KCNAB2: variants seen among roughly 807,000 people sequenced by gnomAD.
KCNAB2 encodes potassium voltage-gated channel subfamily A regulatory beta subunit 2.
KCNAB2 carries 29 observed loss-of-function variants against 63.6 expected under a neutral mutation model. The observed-to-expected ratio is 0.46, with a 90% CI of 0.34 to 0.62. The LOEUF is 0.62. Among genes scored for constraint, KCNAB2 ranks in the 20% least tolerant of loss-of-function variants. KCNAB2 has a pLI of 0.01. For synonymous variants in KCNAB2, 222 were observed against 224.2 expected, an observed-to-expected ratio of 0.99 and a Z score of 0.09; for missense variants, 359 against 563.9, an observed-to-expected ratio of 0.64 and a Z score of 3.68.
rs1172965274 is a variant in KCNAB2, at chr1:6,074,207, T to C, written c.300+437T>C. Among the ~76,000 whole-genome samples the C allele has an allele frequency of 6.6e-6, 1 of 152,212 alleles. No individual in the cohort carries two copies. ...ATGCAGCCCCTGCAGTGTCACAAGC[T>C]GAAGAACCTGAGATCTGCATTTCAC... On this transcript the variant is annotated intron_variant, in intron 4 of 15. Transcript: ENST00000378083. This position sits in a 1 kb window ranked among gnomAD's most constrained non-coding sequence, Gnocchi z 4.9.
chr1:6,008,203 C>T lies in KCNAB2; in HGVS notation c.-53+15415C>T, dbSNP rs780590189. 6.6e-5 allele frequency among the ~76,000 whole-genome samples: 10 copies of T among 152,186 alleles called. 1 individual carries two copies. The highest frequency in any genetic ancestry group is 4.1e-4 in the South Asian group (2 of 4,834). On this transcript the variant is annotated intron_variant, in intron 1 of 16. Coordinates refer to the KCNAB2 transcript ENST00000341524. ...GCAGATGGTGAGCCAAGTCCGGTTC[C>T]GCTGCGCTGGGTCCCCCATGGCAGA...
At chr1:6,057,383 G>T (rs1432082379) in intron 2 of KCNAB2, among the ~76,000 whole-genome samples, 1 of 152,132 alleles carries the variant, frequency 6.6e-6, no homozygotes, top group East Asian at 1.9e-4. Context: ...ATCACTTCCA[G>T]CTGGGAAGAG....
In KCNAB2 at chr1:6,094,404, C is replaced by A. The variant is rs375073715; in HGVS notation, c.651C>A (p.Thr217=). 31 of 1,609,290 alleles carry A rather than the reference C, an allele frequency of 1.9e-5. No homozygotes were observed. The highest frequency in any genetic ancestry group is 2.5e-5 in the Non-Finnish European group (29 of 1,178,444). Residue 217 remains threonine (T), a synonymous_variant, in exon 11 of 16, where the codon ACC becomes ACA. Coordinates refer to ENST00000378083, the MANE Select transcript of KCNAB2 (RefSeq NM_001199862.2). ...TTTCCCTTTCTCTCACGACAGAGAC[C>A]GTCCGCGCCATGACCCACGTCATCA... The part of the protein sequence containing the change: ...SKSRTFIIEE[T]VRAMTHVINQ...
rs1659018379 is a variant in KCNAB2, at chr1:6,024,373, C to T, written c.-52-16144C>T. Among the ~76,000 whole-genome samples, 2 of 152,286 alleles carry T rather than the reference C, an allele frequency of 1.3e-5. No individual in the cohort carries two copies. Among genetic ancestry groups the T allele is most frequent in the East Asian group, 1.9e-4 (1 of 5,184 alleles). ...GTGCTGGGTTACAGGTGTGAGCCAC[C>T]GCACCCAGCCAGTAGTGTCTTTTAA... On this transcript the variant is annotated intron_variant, in intron 1 of 16. Coordinates refer to the KCNAB2 transcript ENST00000341524. This position sits in a 1 kb window ranked among gnomAD's most constrained non-coding sequence, Gnocchi z 5.4.
chr1:6,098,979 CCT>C lies in KCNAB2; in HGVS notation c.*408_*409del, dbSNP rs902555874. On this transcript the variant is annotated 3_prime_UTR_variant, in exon 16 of 16. Transcript: ENST00000378083. ...CTTGGGGCGGGCAGGGCCAGCCTCT[CCT>C]CTGCTGAGAATCCCCACTTGGTGTA... 1.9e-4 allele frequency: 32 copies of C among 168,040 alleles called. No homozygotes were observed. The highest frequency in any genetic ancestry group is 6.4e-5 in the Non-Finnish European group (5 of 78,434). The allele number at this position is 168,040 out of a possible 1,614,324, so 10.4% of individuals were successfully genotyped here.
intron 1 of KCNAB2, among the ~76,000 whole-genome samples, chr1:6,012,800 G>A (rs1404141272): frequency 2.0e-5 from 3 of 151,914 alleles, no homozygotes; most frequent in Non-Finnish European, 4.4e-5. Flanking sequence ...AGAGATCATG[G>A]TAGAGGTGGA....
At position 6,094,496 on chromosome 1, in the gene KCNAB2, C is replaced by T. The variant is rs781164458; in HGVS notation, c.732+11C>T. On this transcript the variant is annotated intron_variant, in intron 11 of 15. Transcript: ENST00000378083. ...TCCATGGAGATCATGGTACGGTGGC[C>T]GCGCAGCATGTGTGTGTCCAGGCAC... The T allele has an allele frequency of 6.9e-6, 11 of 1,601,534 alleles. No homozygotes were observed. Among genetic ancestry groups the T allele is most frequent in the Middle Eastern group, 1.7e-4 (1 of 5,970 alleles).
chr1:6,061,911 T>C (rs1215269848), intron 2 of KCNAB2, among the ~76,000 whole-genome samples: 1 of 151,906 alleles, frequency 6.6e-6, no homozygotes, highest in Non-Finnish European at 1.5e-5. Flanking sequence ...AAGTCGGTGG[T>C]AAAAATAAAA....
intron 1 of KCNAB2, chr1:6,025,989 C>A (rs1005712377): frequency 1.3e-5 from 2 of 152,994 alleles, no homozygotes; most frequent in Admixed American, 6.6e-5. Context: ...ACACTGCTGG[C>A]AGCAGTGAGG....
chr1:6,098,363 G>A, intron 15 of KCNAB2, 122 bp from the exon 16 acceptor site: 1 of 1,499,100 alleles, frequency 6.7e-7, no homozygotes, highest in East Asian at 2.4e-5. Flanking sequence ...ATGGAGCCCA[G>A]ATGTGATGGG....
chr1:6,082,347 C>A (rs1289341070), intron 5 of KCNAB2, 73 bp downstream of exon 5: 8 of 1,182,794 alleles, frequency 6.8e-6, no homozygotes, highest in African/African-American at 1.5e-5. Flanking sequence ...GGATTCCTGC[C>A]GCTCGCGTTC....
At chr1:6,007,408 T>G (rs1657868372) in intron 1 of KCNAB2, 1 of 152,342 alleles carries the variant, frequency 6.6e-6, no homozygotes, top group Admixed American at 6.5e-5. Flanking sequence ...TCCTGGGATT[T>G]AAGAAGTTAA....
At position 6,003,552 on chromosome 1, in the gene KCNAB2, G is replaced by T. The variant is rs1296753379; in HGVS notation, c.-53+10764G>T. Among the ~76,000 whole-genome samples, 1 of 152,190 alleles carries T rather than the reference G, an allele frequency of 6.6e-6. No individual in the cohort carries two copies. Among genetic ancestry groups the T allele is most frequent in the Non-Finnish European group, 1.5e-5 (1 of 68,036 alleles). On this transcript the variant is annotated intron_variant, in intron 1 of 16. Coordinates refer to the KCNAB2 transcript ENST00000341524. The surrounding 1 kb of genome is among the most constrained non-coding windows in gnomAD (Gnocchi z 4.1). ...TTCACTTAAACATTATTTCCTGGGA[G>T]ATCCGGCAGCTCTTCACTCTTCCGA...
At chr1:5,993,087 G>T (rs1479690817) in intron 1 of KCNAB2, among the ~76,000 whole-genome samples, 4 of 111,842 alleles carry the variant, frequency 3.6e-5, no homozygotes, top group Admixed American at 1.2e-4. Context: ...CCCTCTTCCC[G>T]GTGCACCTCT....
chr1:6,083,103 C>T (rs1391528016), intron 5 of KCNAB2, among the ~76,000 whole-genome samples: 1 of 152,152 alleles, frequency 6.6e-6, no homozygotes, highest in East Asian at 1.9e-4. Flanking sequence ...ACCCTCAAAC[C>T]GCCTCCAGCC....
upstream of KCNAB2, among the ~76,000 whole-genome samples, chr1:6,029,898 C>T (rs989635991): frequency 1.3e-5 from 2 of 152,228 alleles, no homozygotes; most frequent in Admixed American, 6.5e-5. Flanking sequence ...GCAGTCAGCA[C>T]TGGCAAGATT....
chr1:6,022,227 G>A (rs1658880895), intron 1 of KCNAB2, among the ~76,000 whole-genome samples: 1 of 151,586 alleles, frequency 6.6e-6, no homozygotes, highest in Non-Finnish European at 1.5e-5. Flanking sequence ...GTACAGTTCA[G>A]TGGTATCCAG....
chr1:6,082,574 T>C (rs574819114), intron 5 of KCNAB2, among the ~76,000 whole-genome samples: 3 of 152,246 alleles, frequency 2.0e-5, no homozygotes, highest in Non-Finnish European at 4.4e-5. Context: ...TCCTGGGCTC[T>C]CCTGATGTGC....
chr1:6,055,353 CTTTT>C, intron 2 of KCNAB2, among the ~76,000 whole-genome samples: 2 of 109,740 alleles, frequency 1.8e-5, no homozygotes, highest in African/African-American at 3.4e-5. Flanking sequence ...AAGACAAACG[CTTTT>C]TTTTTTTTTT....
Sources: allele counts gnomAD v4.1 joint callset (sites outside exome capture counted in the v4.1 genomes callset), GRCh38; gene constraint gnomAD v4.1.1; non-coding constraint Gnocchi (gnomAD v3.1); transcripts MANE v1.5; gene names NCBI Gene and HGNC (gene_info 2026-07-23, HGNC 2026-07-21).